BRD9: variants seen among roughly 807,000 people sequenced by gnomAD.
BRD9 encodes the protein bromodomain-containing protein 9.
Under a neutral mutation model 68.7 loss-of-function variants are expected in BRD9, and 47 were observed. That is an observed-to-expected ratio of 0.68 (90% CI 0.54 to 0.87). The LOEUF is 0.87. Ranked by LOEUF, BRD9 falls within the 40% of genes least tolerant of loss-of-function variation. The pLI is 0.00. For synonymous variants in BRD9, 313 were observed against 293.9 expected, an observed-to-expected ratio of 1.06 and a Z score of -0.67; for missense variants, 670 against 748.4, an observed-to-expected ratio of 0.90 and a Z score of 1.22.
At chr5:874,402 C>T (rs73733907) in intron 12 of BRD9, among the ~76,000 whole-genome samples, 5,731 of 152,288 alleles carry the variant, frequency 0.038, 339 homozygotes, top group African/African-American at 0.13. Flanking sequence ...ACGTTTTTTG[C>T]ATTAGTTTTT....
At chr5:871,695 C>A in intron 12 of BRD9, 131 bp from the exon 13 acceptor site, 1 of 851,478 alleles carries the variant, frequency 1.2e-6, no homozygotes, top group Non-Finnish European at 2.0e-6. Context: ...GTCACACCAT[C>A]TTAATGGATT....
chr5:886,702 T>C lies in BRD9; in HGVS notation c.723A>G (p.Ala241=), dbSNP rs369783003. 1.1e-5 allele frequency: 17 copies of C among 1,614,054 alleles called. No individual in the cohort carries two copies. Among genetic ancestry groups the C allele is most frequent in the Non-Finnish European group, 1.4e-5 (17 of 1,180,016 alleles). ...CTGTATCTTCATTGCCCAAAAGAGC[T>C]GCCTGCTGAGAAAAATCCATGTCCT... ...HAGFKMMSKQ[A]ALLGNEDTAV... Residue 241 remains alanine, a synonymous_variant, in exon 7 of 16, where the codon GCA becomes GCG. Transcript: ENST00000467963.
intron 9 of BRD9, 74 bp downstream of exon 9, chr5:881,033 C>CATT (rs1751665046): frequency 1.3e-6 from 2 of 1,493,124 alleles, no homozygotes; most frequent in Non-Finnish European, 1.9e-6. Flanking sequence ...CTCAGCTTTT[C>CATT]ATTACAGAAT....
intron 14 of BRD9, chr5:869,546 T>A (rs1749836394): frequency 8.6e-6 from 3 of 346,992 alleles, no homozygotes; most frequent in Non-Finnish European, 1.7e-5. Flanking sequence ...GAGATTTAAC[T>A]AACAATCTGG....
chr5:870,551 T>C lies in BRD9; in HGVS notation c.1447A>G (p.Ser483Gly). 1 of 1,614,104 alleles carries C rather than the reference T, an allele frequency of 6.2e-7. No homozygotes were observed. Among genetic ancestry groups the C allele is most frequent in the Non-Finnish European group, 8.5e-7 (1 of 1,180,010 alleles). ...AKVGDTLGDS[S>G]SSVLEFMSMK... is the part of the protein sequence containing the mutation. ...GACATGAACTCCAGAACAGAGCTGC[T>C]GCTGTCTCCTAGGGTGTCCCCAACC... The change falls in exon 14 of 16, where the codon AGC becomes GGC. Residue 483 changes from serine (S) to glycine (G), a missense_variant. Ser to Gly is a moderately conservative substitution (Grantham distance 56). Coordinates refer to ENST00000467963, the MANE Select transcript of BRD9 (RefSeq NM_023924.5).
At chr5:865,694 C>T (rs1297734998) in intron 14 of BRD9, 113 bp from the exon 15 acceptor site, 2 of 1,205,982 alleles carry the variant, frequency 1.7e-6, no homozygotes, top group Non-Finnish European at 2.3e-6. Context: ...ACAATAATTG[C>T]TCTGGAAACT....
In BRD9 at chr5:863,799, A is replaced by G. The variant is rs923223842; in HGVS notation, c.*669T>C. 2 of 152,308 alleles carry G rather than the reference A, an allele frequency of 1.3e-5. No homozygotes were observed. Among genetic ancestry groups the G allele is most frequent in the Non-Finnish European group, 2.9e-5 (2 of 68,096 alleles). The allele number at this position is 152,308 out of a possible 1,614,324, so 9.4% of individuals were successfully genotyped here. On this transcript the variant is annotated 3_prime_UTR_variant, in exon 16 of 16. Coordinates refer to ENST00000467963, the MANE Select transcript of BRD9 (RefSeq NM_023924.5). ...CTCCACTGTAACGGGCAGGCAGAACACACTCCTTTCCCAGGCTCATCAATT... is the reference window on the plus strand; with the variant it reads ...CTCCACTGTAACGGGCAGGCAGAACGCACTCCTTTCCCAGGCTCATCAATT...
chr5:892,177 A>G, intron 1 of BRD9: 2 of 431,594 alleles, frequency 4.6e-6, no homozygotes, highest in Non-Finnish European at 8.3e-6. Context: ...TCCCTCCTAG[A>G]AACCCCCAGC....
At chr5:883,336 A>G (rs1272548350) in intron 8 of BRD9, 2 of 456,700 alleles carry the variant, frequency 4.4e-6, no homozygotes, top group Non-Finnish European at 8.8e-6. Context: ...TGAAACCTGC[A>G]AGGATTAATG....
intron 8 of BRD9, chr5:882,248 A>G (rs1316102977): frequency 6.5e-6 from 1 of 154,890 alleles, no homozygotes. Context: ...GTAGACCACA[A>G]CCTCCAGCAC....
At chr5:877,719 G>A (rs72703147) in intron 11 of BRD9, among the ~76,000 whole-genome samples, 1,609 of 152,226 alleles carry the variant, frequency 0.011, 12 homozygotes, top group Non-Finnish European at 0.018. Context: ...CTCAGAGTTC[G>A]TAAGTTGAAA....
chr5:876,552 G>A (rs1750962965), intron 11 of BRD9, among the ~76,000 whole-genome samples: 2 of 152,236 alleles, frequency 1.3e-5, no homozygotes, highest in East Asian at 1.9e-4. Flanking sequence ...GGTGTGGACA[G>A]AAGCACACCA....
intron 3 of BRD9, chr5:890,174 C>T (rs1296845071): frequency 5.8e-6 from 1 of 171,078 alleles, no homozygotes; most frequent in African/African-American, 2.4e-5. Flanking sequence ...GCCTAGGCGA[C>T]ACAGCAAGAC....
At chr5:875,344 A>G (rs935247346) in intron 12 of BRD9, among the ~76,000 whole-genome samples, 5 of 148,920 alleles carry the variant, frequency 3.4e-5, no homozygotes, top group Admixed American at 6.6e-5. Context: ...CAATGACTTC[A>G]GACGCTTTTT....
intron 11 of BRD9, among the ~76,000 whole-genome samples, chr5:876,665 TG>T (rs2150580561): frequency 6.6e-6 from 1 of 152,188 alleles, no homozygotes; most frequent in South Asian, 2.1e-4. Flanking sequence ...GCCATATACA[TG>T]AAACAGCTTA....
At chr5:891,122 A>C in intron 3 of BRD9, 33 bp downstream of exon 3, 1 of 1,522,258 alleles carries the variant, frequency 6.6e-7, no homozygotes, top group Non-Finnish European at 8.9e-7. Context: ...TGAGCTGTGA[A>C]CACCAGGAGA....
intron 12 of BRD9, among the ~76,000 whole-genome samples, chr5:875,124 C>T (rs909315845): frequency 6.6e-6 from 1 of 152,348 alleles, no homozygotes; most frequent in South Asian, 2.1e-4. Flanking sequence ...CCTAGAGCAC[C>T]GGCCAGATCC....
At chr5:872,019 C>T (rs948598772) in intron 12 of BRD9, among the ~76,000 whole-genome samples, 7 of 152,170 alleles carry the variant, frequency 4.6e-5, no homozygotes, top group Admixed American at 2.0e-4. Context: ...GAGGCAGACA[C>T]CTCCTGGCAG....
At chr5:871,112 C>CA in intron 13 of BRD9, among the ~76,000 whole-genome samples, 1 of 152,346 alleles carries the variant, frequency 6.6e-6, no homozygotes, top group East Asian at 1.9e-4. Flanking sequence ...TGCTGACTGT[C>CA]AGAGACACAC....
Sources: allele counts gnomAD v4.1 joint callset (sites outside exome capture counted in the v4.1 genomes callset), GRCh38; gene constraint gnomAD v4.1.1; transcripts MANE v1.5; gene names NCBI Gene and HGNC (gene_info 2026-07-23, HGNC 2026-07-21).